The following ADAMTS12 variants were observed in gnomAD, a reference collection of about 807,000 sequenced individuals.
ADAMTS12 encodes the protein A disintegrin and metalloproteinase with thrombospondin motifs 12.
Under a neutral mutation model 167.8 loss-of-function variants are expected in ADAMTS12, and 118 were observed. The ratio of observed to expected loss-of-function variants is 0.70; its 90% confidence interval spans 0.61 to 0.82. The LOEUF is 0.82. Among genes scored for constraint, ADAMTS12 ranks in the 40% least tolerant of loss-of-function variants. The pLI, the probability that ADAMTS12 is intolerant of heterozygous loss-of-function variation, is 0.00. For missense variants in ADAMTS12, 1,916 were observed against 1,998.8 expected (o/e 0.96, Z 0.79); for synonymous variants, 704 against 716.9 (o/e 0.98, Z 0.29).
In ADAMTS12 at chr5:33,683,862, G is replaced by A. The variant is rs1222581413; in HGVS notation, c.828C>T (p.Asn276=). Residue 276 remains asparagine, a synonymous_variant, in exon 4 of 24, where the codon AAC becomes AAT. Coordinates refer to ENST00000504830, the MANE Select transcript of ADAMTS12 (RefSeq NM_030955.4). The part of the protein sequence containing the change: ...NVESYILTIM[N]MVTGLFHNPS... ...GCCCCCATGTAGTCTGGCATACCATGTTCATGATGGTGAGGATGTAGGACT... is the reference window on the plus strand; with the variant it reads ...GCCCCCATGTAGTCTGGCATACCATATTCATGATGGTGAGGATGTAGGACT... 6.5e-7 allele frequency: 1 copy of A among 1,531,792 alleles called. No homozygotes were observed. Among genetic ancestry groups the A allele is most frequent in the Non-Finnish European group, 8.8e-7 (1 of 1,135,526 alleles). 94.9% of individuals were successfully genotyped at this position (1,531,792 alleles called of 1,614,324 possible). A position where few individuals can be genotyped will look rare whatever the true frequency, so the allele number is the denominator to read the frequency against.
intron 2 of ADAMTS12, among the ~76,000 whole-genome samples, chr5:33,751,888 C>T: frequency 6.6e-6 from 1 of 152,182 alleles, no homozygotes; most frequent in East Asian, 1.9e-4. Flanking sequence ...AAATGAAGAC[C>T]CAGTGCTTCC....
intron 3 of ADAMTS12, among the ~76,000 whole-genome samples, chr5:33,740,058 A>T (rs1579893401): frequency 6.6e-6 from 1 of 152,236 alleles, no homozygotes; most frequent in Non-Finnish European, 1.5e-5. Context: ...CAACCCCTTC[A>T]TGTAACTGAT....
intron 13 of ADAMTS12, among the ~76,000 whole-genome samples, chr5:33,629,462 T>C (rs1310496134): frequency 6.6e-6 from 1 of 152,162 alleles, no homozygotes; most frequent in Non-Finnish European, 1.5e-5. Flanking sequence ...TTAACATATA[T>C]TACCTGTGAA....
At chr5:33,655,885 C>T (rs1454695957) in intron 7 of ADAMTS12, among the ~76,000 whole-genome samples, 1 of 151,924 alleles carries the variant, frequency 6.6e-6, no homozygotes, top group Non-Finnish European at 1.5e-5. Context: ...TCAACTCCCA[C>T]TTATGAGTGG....
intron 16 of ADAMTS12, among the ~76,000 whole-genome samples, chr5:33,609,200 TAA>T (rs1738593867): frequency 6.6e-6 from 1 of 152,128 alleles, no homozygotes; most frequent in African/African-American, 2.4e-5. Flanking sequence ...ACACAAAAAA[TAA>T]GTTTAGGTGG....
chr5:33,673,977 T>C (rs1183971643), intron 5 of ADAMTS12, among the ~76,000 whole-genome samples: 1 of 152,210 alleles, frequency 6.6e-6, no homozygotes, highest in East Asian at 1.9e-4. Flanking sequence ...ACCTTCTTCA[T>C]ACTTGGTTCA....
At chr5:33,559,340 T>C (rs1289014885) in intron 20 of ADAMTS12, among the ~76,000 whole-genome samples, 2 of 152,150 alleles carry the variant, frequency 1.3e-5, no homozygotes, top group Non-Finnish European at 2.9e-5. Flanking sequence ...ACCTCTGTAC[T>C]CTCTACCTGC....
chr5:33,657,932 C>T (rs1490459637), intron 7 of ADAMTS12, among the ~76,000 whole-genome samples: 1 of 152,130 alleles, frequency 6.6e-6, no homozygotes, highest in Admixed American at 6.6e-5. Flanking sequence ...ATCCAGAGAA[C>T]TGGAGTGGCC....
intron 19 of ADAMTS12, among the ~76,000 whole-genome samples, chr5:33,573,632 C>T (rs1746509768): frequency 6.6e-6 from 1 of 152,098 alleles, no homozygotes. Flanking sequence ...AGACCTAAAA[C>T]CATAAAAACC....
chr5:33,598,052 A>G (rs1320519523), intron 16 of ADAMTS12, among the ~76,000 whole-genome samples: 1 of 152,242 alleles, frequency 6.6e-6, no homozygotes, highest in African/African-American at 2.4e-5. Flanking sequence ...AGTTAATAAC[A>G]TGGCATGGGT....
chr5:33,556,100 T>A (rs1027062056), intron 20 of ADAMTS12, among the ~76,000 whole-genome samples: 1 of 152,240 alleles, frequency 6.6e-6, no homozygotes, highest in Non-Finnish European at 1.5e-5. Context: ...TGAACAGAGT[T>A]CATTGCACAC....
At position 33,556,058 on chromosome 5, in the gene ADAMTS12, G is replaced by A. The variant is rs116045300; in HGVS notation, c.4125+4969C>T. Among the ~76,000 whole-genome samples the A allele has an allele frequency of 3.2e-3, 492 of 152,334 alleles. 1 individual carries two copies. Among genetic ancestry groups the A allele is most frequent in the Admixed American group, 4.7e-3 (72 of 15,310 alleles). ...GCCCTAACTTTACCTAGAGCTCGAC[G>A]TTTGTCCAGGGCCTTGTTTAGTCTT... On this transcript the variant is annotated intron_variant, in intron 20 of 23. Transcript: ENST00000504830.
intron 2 of ADAMTS12, among the ~76,000 whole-genome samples, chr5:33,804,002 C>A (rs544731214): frequency 6.6e-6 from 1 of 152,254 alleles, no homozygotes; most frequent in South Asian, 2.1e-4. Flanking sequence ...ATTGGCTGGA[C>A]ATCCTTTACC....
At chr5:33,682,668 G>A (rs917594409) in intron 5 of ADAMTS12, among the ~76,000 whole-genome samples, 4 of 152,120 alleles carry the variant, frequency 2.6e-5, no homozygotes, top group African/African-American at 9.7e-5. Context: ...TCAAAGGTTC[G>A]ACATTTCCAT....
intron 2 of ADAMTS12, among the ~76,000 whole-genome samples, chr5:33,877,831 C>A (rs1363423267): frequency 6.6e-6 from 1 of 152,114 alleles, no homozygotes; most frequent in African/African-American, 2.4e-5. Flanking sequence ...CCAGAGGAGA[C>A]TAAATGAGTC....
chr5:33,527,182 T>C lies in ADAMTS12; in HGVS notation c.*6A>G, dbSNP rs558988158. On this transcript the variant is annotated 3_prime_UTR_variant, in exon 24 of 24. Coordinates refer to ENST00000504830, the MANE Select transcript of ADAMTS12 (RefSeq NM_030955.4). ...CAGTCTGGTGGAAGCTGGCTTCCTTTTGGGCTTAGAGTTCTTTTGACTTTT... is the reference window on the plus strand; with the variant it reads ...CAGTCTGGTGGAAGCTGGCTTCCTTCTGGGCTTAGAGTTCTTTTGACTTTT... 4.3e-6 allele frequency: 7 copies of C among 1,614,110 alleles called. No individual in the cohort carries two copies. The highest frequency in any genetic ancestry group is 2.2e-5 in the East Asian group (1 of 44,884).
chr5:33,826,124 A>G (rs1392701404), intron 2 of ADAMTS12, among the ~76,000 whole-genome samples: 1 of 152,204 alleles, frequency 6.6e-6, no homozygotes, highest in Non-Finnish European at 1.5e-5. Flanking sequence ...CTATACTCCT[A>G]GATGATTTGT....
At chr5:33,880,705 T>C (rs1481470200) in intron 2 of ADAMTS12, among the ~76,000 whole-genome samples, 1 of 152,268 alleles carries the variant, frequency 6.6e-6, no homozygotes, top group African/African-American at 2.4e-5. Flanking sequence ...TCAACTATTA[T>C]ATCACAGCAG....
chr5:33,626,960 T>C (rs1739671093), intron 13 of ADAMTS12, among the ~76,000 whole-genome samples: 1 of 149,908 alleles, frequency 6.7e-6, no homozygotes, highest in Non-Finnish European at 1.5e-5. Context: ...ATGGTGGTGG[T>C]GGTTATGTGG....
Sources: gnomAD v4.1 joint callset for allele counts (sites outside exome capture counted in the v4.1 genomes callset) on GRCh38, gnomAD v4.1.1 for gene constraint, MANE v1.5 for transcripts, NCBI Gene and HGNC (gene_info 2026-07-23, HGNC 2026-07-21) for gene names.